The following RUNX1 variants were observed in gnomAD, a reference collection of about 807,000 sequenced individuals.
RUNX1 encodes the protein runt-related transcription factor 1.
A neutral mutation model predicts 42.8 loss-of-function variants in RUNX1; 19 were observed. The observed-to-expected ratio is 0.44, with a 90% confidence interval of 0.31 to 0.65. The LOEUF (loss-of-function observed/expected upper bound fraction) is 0.65. RUNX1 is among the 30% of genes least tolerant of loss of function. The probability of loss-of-function intolerance (pLI) is 0.07; values close to 1 mark genes in which losing one functional copy is unlikely to be tolerated. For missense variants in RUNX1, 528 were observed against 672.0 expected (o/e 0.79, Z 2.37); for synonymous variants, 271 against 289.4 (o/e 0.94, Z 0.64).
chr21:34,823,079 T>C (rs958961004), intron 7 of RUNX1, among the ~76,000 whole-genome samples: 5 of 152,254 alleles, frequency 3.3e-5, no homozygotes, highest in Middle Eastern at 3.4e-3. Context: ...AGCCGTAAGG[T>C]AAAGAGGACA....
At chr21:34,877,523 A>T (rs1164639056) in intron 5 of RUNX1, among the ~76,000 whole-genome samples, 1 of 152,166 alleles carries the variant, frequency 6.6e-6, no homozygotes, top group African/African-American at 2.4e-5. Flanking sequence ...ATACTGAATC[A>T]AAGAGAGAAA....
intron 5 of RUNX1, among the ~76,000 whole-genome samples, chr21:34,861,628 T>G (rs971649734): frequency 6.6e-6 from 1 of 151,286 alleles, no homozygotes; most frequent in African/African-American, 2.4e-5. Context: ...CATACCTGAC[T>G]CCCAGTGTGC....
At position 34,814,085 on chromosome 21, in the gene RUNX1, G is replaced by C. The variant is rs533999976; in HGVS notation, c.806-14623C>G. On this transcript the variant is annotated intron_variant, in intron 7 of 8. Transcript: ENST00000675419. ...TCACTGGAAAGCACATTGTCCAGAT[G>C]GTTCTGGTGGGGAACACCTTTGCCT... 6.4e-4 allele frequency among the ~76,000 whole-genome samples: 98 copies of C among 152,194 alleles called. 1 individual carries two copies. The highest frequency in any genetic ancestry group is 5.1e-4 in the Non-Finnish European group (35 of 68,034).
intron 2 of RUNX1, among the ~76,000 whole-genome samples, chr21:34,930,270 G>GTGTGTATATATATATATATATATATA (rs372412304): frequency 3.3e-5 from 4 of 122,996 alleles, no homozygotes; most frequent in African/African-American, 1.1e-4. Flanking sequence ...GTGTGTGTAT[G>GTGTGTATATATATATATATATATATA]TATATATATA....
At chr21:34,932,527 G>A (rs1305008691) in intron 2 of RUNX1, among the ~76,000 whole-genome samples, 3 of 152,146 alleles carry the variant, frequency 2.0e-5, no homozygotes, top group Non-Finnish European at 4.4e-5. Flanking sequence ...AAACCATGCC[G>A]GTGATCTTTA....
chr21:35,018,226 A>G (rs1356333269), intron 2 of RUNX1, among the ~76,000 whole-genome samples: 1 of 152,036 alleles, frequency 6.6e-6, no homozygotes, highest in Non-Finnish European at 1.5e-5. Context: ...GGGTTTCATC[A>G]TGTTGGCCAG....
intron 6 of RUNX1, among the ~76,000 whole-genome samples, chr21:34,847,568 A>C (rs2057335526): frequency 6.6e-6 from 1 of 152,296 alleles, no homozygotes; most frequent in Non-Finnish European, 1.5e-5. Context: ...TATTATCTCA[A>C]TGTGTCCTCA....
At chr21:34,930,270 G>GTGTGTATATATATATATATATATATATA (rs372412304) in intron 2 of RUNX1, among the ~76,000 whole-genome samples, 2 of 123,018 alleles carry the variant, frequency 1.6e-5, no homozygotes, top group African/African-American at 7.5e-5. Flanking sequence ...GTGTGTGTAT[G>GTGTGTATATATATATATATATATATATA]TATATATATA....
intron 7 of RUNX1, among the ~76,000 whole-genome samples, chr21:34,816,135 G>A (rs2056822530): frequency 6.6e-6 from 1 of 152,248 alleles, no homozygotes; most frequent in African/African-American, 2.4e-5. Flanking sequence ...TTGGTGCTAT[G>A]TAAGGAAAGA....
chr21:35,037,071 A>G (rs1419558498), intron 2 of RUNX1, among the ~76,000 whole-genome samples: 1 of 152,192 alleles, frequency 6.6e-6, no homozygotes, highest in Non-Finnish European at 1.5e-5. Context: ...AAGCCCATGT[A>G]AATGCAAGGT....
rs2058570839 is a variant in RUNX1 at position 34,947,338 on chromosome 21, T to C, written c.59-54375A>G. On this transcript the variant is annotated intron_variant, in intron 2 of 8. Transcript: ENST00000675419. ...GAAACACGTGTGCCATATAAACATG[T>C]ATCTATTTACCAATCTGCTGCTCAA... Among the ~76,000 whole-genome samples, 3 of 152,216 alleles carry C rather than the reference T, an allele frequency of 2.0e-5. No homozygotes were observed. The South Asian group carries it at 6.2e-4, about 32-fold the overall frequency.
chr21:34,814,622 A>G (rs945735390), intron 7 of RUNX1, among the ~76,000 whole-genome samples: 8 of 152,220 alleles, frequency 5.3e-5, no homozygotes, highest in Non-Finnish European at 1.2e-4. Context: ...TGATGAGCAC[A>G]TGCCAGACAG....
At chr21:34,847,387 G>A (rs1250597497) in intron 6 of RUNX1, among the ~76,000 whole-genome samples, 4 of 152,030 alleles carry the variant, frequency 2.6e-5, no homozygotes, top group Non-Finnish European at 5.9e-5. Flanking sequence ...CACCAATCCT[G>A]AAAGACACGA....
chr21:34,835,537 G>A (rs1320181125), intron 6 of RUNX1, among the ~76,000 whole-genome samples: 1 of 152,238 alleles, frequency 6.6e-6, no homozygotes, highest in East Asian at 1.9e-4. Context: ...CCACTCATGG[G>A]GGACTGGGGC....
intron 6 of RUNX1, among the ~76,000 whole-genome samples, chr21:34,858,033 G>C (rs569947087): frequency 3.3e-5 from 5 of 152,324 alleles, no homozygotes; most frequent in African/African-American, 1.2e-4. Flanking sequence ...GGGAGTCACC[G>C]AGCACAGCAA....
intron 2 of RUNX1, among the ~76,000 whole-genome samples, chr21:34,896,664 C>T (rs748119355): frequency 4.0e-5 from 6 of 151,104 alleles, no homozygotes; most frequent in Non-Finnish European, 7.4e-5. Context: ...GCCTAGGAGA[C>T]AGGATGAGAC....
At chr21:34,826,672 C>T (rs182807484) in intron 7 of RUNX1, among the ~76,000 whole-genome samples, 9 of 151,886 alleles carry the variant, frequency 5.9e-5, no homozygotes, top group East Asian at 1.9e-4. Flanking sequence ...CTCGAACTCC[C>T]GACCTCAAGT....
At chr21:34,962,677 T>C (rs1313470631) in intron 2 of RUNX1, among the ~76,000 whole-genome samples, 1 of 152,256 alleles carries the variant, frequency 6.6e-6, no homozygotes, top group Non-Finnish European at 1.5e-5. Context: ...AATCCAGATT[T>C]ATGCACCACG....
chr21:35,007,539 C>T (rs371398345), intron 2 of RUNX1, among the ~76,000 whole-genome samples: 140 of 152,316 alleles, frequency 9.2e-4, no homozygotes, highest in African/African-American at 3.3e-3. Context: ...TGTGCCACCA[C>T]TTCCCCTTCC....
Sources: gnomAD v4.1 joint callset for allele counts (sites outside exome capture counted in the v4.1 genomes callset) on GRCh38, gnomAD v4.1.1 for gene constraint, MANE v1.5 for transcripts, NCBI Gene and HGNC (gene_info 2026-07-23, HGNC 2026-07-21) for gene names.